Variants in SKIC3 observed in about 807,000 individuals in gnomAD.
SKIC3 encodes superkiller complex protein 3.
the SKIC3 span, among the ~76,000 whole-genome samples, chr5:95,527,713 C>A: frequency 6.6e-6 from 1 of 152,042 alleles, no homozygotes; most frequent in Non-Finnish European, 1.5e-5. Context: ...AATTTGGAAT[C>A]TCAAATTAAT....
the SKIC3 span, chr5:95,478,571 C>T: frequency 4.7e-6 from 6 of 1,274,420 alleles, no homozygotes; most frequent in South Asian, 7.7e-5. Context: ...AAGTTCTGTG[C>T]CCAAAAAACA....
the SKIC3 span, among the ~76,000 whole-genome samples, chr5:95,471,334 T>C: frequency 1.3e-5 from 2 of 152,206 alleles, no homozygotes; most frequent in Non-Finnish European, 2.9e-5. Flanking sequence ...CAAAGATGAC[T>C]TTATAAGGAA....
chr5:95,504,027 G>A, the SKIC3 span: 7 of 1,394,806 alleles, frequency 5.0e-6, no homozygotes, highest in Non-Finnish European at 6.8e-6. Flanking sequence ...CACTAAGTTG[G>A]GCCGGACGCG....
the SKIC3 span, chr5:95,516,208 C>T: frequency 1.3e-6 from 1 of 756,500 alleles, no homozygotes; most frequent in Non-Finnish European, 2.2e-6. Context: ...AATTGAATAT[C>T]ATCAATTAAC....
the SKIC3 span, chr5:95,523,552 A>G: frequency 7.2e-7 from 1 of 1,389,576 alleles, no homozygotes; most frequent in Non-Finnish European, 9.7e-7. Context: ...GCACCTATAG[A>G]AAAAAAACTA....
At chr5:95,531,801 T>C in the SKIC3 span, among the ~76,000 whole-genome samples, 11 of 152,172 alleles carry the variant, frequency 7.2e-5, no homozygotes, top group Admixed American at 1.3e-4. Flanking sequence ...ATTAGTCTTA[T>C]AACATGTATA....
the SKIC3 span, among the ~76,000 whole-genome samples, chr5:95,506,266 G>A: frequency 6.6e-6 from 1 of 152,160 alleles, no homozygotes. Flanking sequence ...GGTCTGCCAG[G>A]TAGCTCCTTA....
the SKIC3 span, chr5:95,495,446 A>G: frequency 6.0e-5 from 10 of 166,426 alleles, no homozygotes; most frequent in Non-Finnish European, 1.2e-4. Flanking sequence ...CATTGCTTCA[A>G]TAATCAACTC....
chr5:95,486,886 G>A, the SKIC3 span, among the ~76,000 whole-genome samples: 9 of 152,008 alleles, frequency 5.9e-5, no homozygotes, highest in Admixed American at 1.3e-4. Flanking sequence ...TGCTGCCCAG[G>A]GACTCAAGAA....
At chr5:95,508,743 G>C in the SKIC3 span, among the ~76,000 whole-genome samples, 2 of 152,210 alleles carry the variant, frequency 1.3e-5, no homozygotes, top group Non-Finnish European at 2.9e-5. Context: ...TGCTCCATGA[G>C]AACAGGGCCT....
chr5:95,516,716 T>C, the SKIC3 span: 2 of 1,613,380 alleles, frequency 1.2e-6, no homozygotes, highest in South Asian at 1.1e-5. Context: ...GTATAAGTGA[T>C]TATTACTGTC....
chr5:95,510,773 T>C, the SKIC3 span, among the ~76,000 whole-genome samples: 1 of 152,142 alleles, frequency 6.6e-6, no homozygotes, highest in Non-Finnish European at 1.5e-5. Flanking sequence ...ACTCTAGTCC[T>C]CCACACAGCC....
chr5:95,478,010 ATT>A, the SKIC3 span, among the ~76,000 whole-genome samples: 1 of 152,172 alleles, frequency 6.6e-6, no homozygotes, highest in Admixed American at 6.5e-5. Flanking sequence ...TTCTAATACA[ATT>A]TGTTTCACCA....
chr5:95,500,219 T>G, the SKIC3 span, among the ~76,000 whole-genome samples: 2 of 152,152 alleles, frequency 1.3e-5, no homozygotes, highest in African/African-American at 4.8e-5. Flanking sequence ...AATCACAAGT[T>G]AGAACTGAGT....
chr5:95,516,246 A>C, the SKIC3 span: 1 of 1,142,736 alleles, frequency 8.8e-7, no homozygotes, highest in Non-Finnish European at 1.3e-6. Flanking sequence ...TACTGGCTAG[A>C]TAACGATGTG....
At chr5:95,503,416 T>A in the SKIC3 span, among the ~76,000 whole-genome samples, 2 of 152,330 alleles carry the variant, frequency 1.3e-5, no homozygotes, top group African/African-American at 4.8e-5. Flanking sequence ...TATGTGAAAA[T>A]GCATCATATA....
the SKIC3 span, among the ~76,000 whole-genome samples, chr5:95,478,836 T>A: frequency 2.0e-5 from 3 of 152,118 alleles, no homozygotes; most frequent in Non-Finnish European, 4.4e-5. Flanking sequence ...AAGAAAAAAC[T>A]CTCTTAGCAT....
chr5:95,529,919 T>C, the SKIC3 span, among the ~76,000 whole-genome samples: 1 of 152,098 alleles, frequency 6.6e-6, no homozygotes, highest in Non-Finnish European at 1.5e-5. Context: ...GTCTTGAAAT[T>C]AGTGATAAGC....
the SKIC3 span, among the ~76,000 whole-genome samples, chr5:95,522,894 C>T: frequency 6.6e-6 from 1 of 152,232 alleles, no homozygotes; most frequent in East Asian, 1.9e-4. Flanking sequence ...TTGCCAAAAA[C>T]AATGTGTGTC....
Sources: gnomAD v4.1 joint callset for allele counts (sites outside exome capture counted in the v4.1 genomes callset) on GRCh38, gnomAD v4.1.1 for gene constraint, MANE v1.5 for transcripts, NCBI Gene and HGNC (gene_info 2026-07-23, HGNC 2026-07-21) for gene names.